Variants in NT5DC1 observed in about 807,000 individuals in gnomAD.
The protein encoded by NT5DC1 is 5'-nucleotidase domain-containing protein 1.
NT5DC1 carries 42 observed loss-of-function variants against 59.4 expected under a neutral mutation model. The ratio of observed to expected loss-of-function variants is 0.71; its 90% CI spans 0.55 to 0.92. The LOEUF (loss-of-function observed/expected upper bound fraction) is 0.92. Ranked by LOEUF, NT5DC1 falls within the 40% of genes least tolerant of loss-of-function variation. The probability of loss-of-function intolerance (pLI) is 0.00; values close to 1 mark genes in which losing one functional copy is unlikely to be tolerated. For missense variants in NT5DC1, 501 were observed against 537.1 expected, an observed-to-expected ratio of 0.93 and a Z score of 0.66; for synonymous variants, 172 against 188.1, an observed-to-expected ratio of 0.91 and a Z score of 0.70.
chr6:116,230,467 C>T (rs1477907000), intron 8 of NT5DC1, among the ~76,000 whole-genome samples: 1 of 152,178 alleles, frequency 6.6e-6, no homozygotes, highest in African/African-American at 2.4e-5. Context: ...CAGTGTTTCT[C>T]AGACTTTCAT....
chr6:116,230,396 T>C (rs1353682032), intron 8 of NT5DC1, among the ~76,000 whole-genome samples: 2 of 152,238 alleles, frequency 1.3e-5, no homozygotes, highest in Admixed American at 1.3e-4. Flanking sequence ...CCTTTACTCC[T>C]ACTGAAATGA....
intron 6 of NT5DC1, among the ~76,000 whole-genome samples, chr6:116,147,755 G>A (rs540236023): frequency 1.4e-4 from 22 of 152,216 alleles, no homozygotes; most frequent in African/African-American, 4.8e-4. Context: ...TTACAGATAC[G>A]GTTGCATGTG....
intron 8 of NT5DC1, among the ~76,000 whole-genome samples, chr6:116,228,230 C>T (rs893657028): frequency 7.9e-5 from 12 of 152,122 alleles, no homozygotes; most frequent in African/African-American, 1.7e-4. Flanking sequence ...TCATTTTGGC[C>T]GGGAGCGGTG....
chr6:116,128,580 G>A (rs996428999), intron 6 of NT5DC1, among the ~76,000 whole-genome samples: 2 of 152,164 alleles, frequency 1.3e-5, no homozygotes, highest in East Asian at 1.9e-4. Context: ...TCTGTGGATC[G>A]TTAATTAATT....
At chr6:116,108,086 C>G (rs1778801936) in intron 2 of NT5DC1, among the ~76,000 whole-genome samples, 1 of 151,954 alleles carries the variant, frequency 6.6e-6, no homozygotes, top group African/African-American at 2.4e-5. Context: ...CTTTTTTTCT[C>G]TTTTGAGTTT....
intron 9 of NT5DC1, 90 bp downstream of exon 9, chr6:116,237,174 T>A: frequency 1.3e-6 from 1 of 752,184 alleles, no homozygotes; most frequent in Non-Finnish European, 2.4e-6. Context: ...ATTCTTCTGC[T>A]TAAATAAGCC....
intron 6 of NT5DC1, among the ~76,000 whole-genome samples, chr6:116,155,394 A>G (rs1454333244): frequency 6.6e-6 from 1 of 152,230 alleles, no homozygotes; most frequent in East Asian, 1.9e-4. Flanking sequence ...CGCCAACACA[A>G]ACATCTCTTT....
At chr6:116,121,089 T>C in intron 6 of NT5DC1, 1 of 1,613,914 alleles carries the variant, frequency 6.2e-7, no homozygotes, top group South Asian at 1.1e-5. Flanking sequence ...TGGGGTCCCA[T>C]ATTCCCAGGG....
chr6:116,172,249 G>A (rs953366562), intron 6 of NT5DC1, among the ~76,000 whole-genome samples: 2 of 150,154 alleles, frequency 1.3e-5, no homozygotes, highest in East Asian at 1.9e-4. Flanking sequence ...TAAGTTTAAG[G>A]TTATATTAGA....
At chr6:116,144,074 G>A (rs754058150) in intron 6 of NT5DC1, among the ~76,000 whole-genome samples, 14 of 152,034 alleles carry the variant, frequency 9.2e-5, no homozygotes, top group Non-Finnish European at 1.5e-4. Context: ...TTTATAATGA[G>A]GATATTCAGA....
chr6:116,182,704 A>G (rs1222397967), intron 6 of NT5DC1, among the ~76,000 whole-genome samples: 2 of 151,844 alleles, frequency 1.3e-5, no homozygotes, highest in Non-Finnish European at 1.5e-5. Flanking sequence ...TTGTCTCTTC[A>G]TGTCCTTAGC....
intron 6 of NT5DC1, among the ~76,000 whole-genome samples, chr6:116,204,911 G>A (rs921768494): frequency 2.0e-5 from 3 of 151,810 alleles, no homozygotes; most frequent in Non-Finnish European, 4.4e-5. Context: ...TCATTTTTTT[G>A]GGTGAGGAAA....
chr6:116,188,641 A>C (rs1781053760), intron 6 of NT5DC1, among the ~76,000 whole-genome samples: 2 of 151,966 alleles, frequency 1.3e-5, no homozygotes, highest in South Asian at 4.1e-4. Flanking sequence ...TACCATAGAT[A>C]TGAGGATAGC....
At chr6:116,178,270 G>A (rs1780797069) in intron 6 of NT5DC1, among the ~76,000 whole-genome samples, 1 of 152,026 alleles carries the variant, frequency 6.6e-6, no homozygotes, top group African/African-American at 2.4e-5. Flanking sequence ...TACTAACCAG[G>A]CCCGACCCTG....
chr6:116,183,903 C>A (rs1257004780), intron 6 of NT5DC1, among the ~76,000 whole-genome samples: 8 of 151,912 alleles, frequency 5.3e-5, no homozygotes, highest in Non-Finnish European at 1.0e-4. Context: ...CTTTCTCTTG[C>A]CTGATTGCTG....
Position 116,248,767 on chromosome 6 carries a change from T to C in NT5DC1, c.*4743T>C, listed in dbSNP as rs1771892441. The C allele has an allele frequency of 6.6e-6, 1 of 152,162 alleles. No homozygotes were observed. The highest frequency in any genetic ancestry group is 1.5e-5 in the Non-Finnish European group (1 of 68,042). The allele number at this position is 152,162 out of a possible 1,614,324, so 9.4% of individuals were successfully genotyped here. A position where few individuals can be genotyped will look rare whatever the true frequency, so the allele number is the denominator to read the frequency against. ...GTTTGGAGGTCCACATAAAGAATAA[T>C]TGGGGTCTAGAATTAAGGAAGGAAA... is the stretch of plus-strand genomic sequence containing the variant. On this transcript the variant is annotated 3_prime_UTR_variant, in exon 12 of 12. Transcript: ENST00000319550.
At chr6:116,199,997 AGT>A (rs398049026) in intron 6 of NT5DC1, among the ~76,000 whole-genome samples, 3 of 119,600 alleles carry the variant, frequency 2.5e-5, no homozygotes, top group African/African-American at 8.5e-5. Flanking sequence ...CAGTATGGAA[AGT>A]GGGGGGGGAA....
intron 6 of NT5DC1, among the ~76,000 whole-genome samples, chr6:116,195,429 A>G (rs950892755): frequency 5.9e-5 from 9 of 151,974 alleles, no homozygotes; most frequent in Non-Finnish European, 8.8e-5. Flanking sequence ...TCAAGAGGTC[A>G]TAGTAGTTTA....
intron 11 of NT5DC1, among the ~76,000 whole-genome samples, chr6:116,241,045 G>A (rs1457936148): frequency 6.6e-6 from 1 of 151,574 alleles, no homozygotes; most frequent in African/African-American, 2.4e-5. Flanking sequence ...TCTGGAGGTT[G>A]AGGCAGGAGA....
Sources: gnomAD v4.1 joint callset for allele counts (sites outside exome capture counted in the v4.1 genomes callset) on GRCh38, gnomAD v4.1.1 for gene constraint, MANE v1.5 for transcripts, NCBI Gene and HGNC (gene_info 2026-07-23, HGNC 2026-07-21) for gene names.